PTPRM: variants seen among roughly 807,000 people sequenced by gnomAD.
The protein encoded by PTPRM is receptor-type tyrosine-protein phosphatase mu.
Under a neutral mutation model 186.7 loss-of-function variants are expected in PTPRM, and 47 were observed. The observed-to-expected ratio is 0.25, with a 90% CI of 0.20 to 0.32. The LOEUF (loss-of-function observed/expected upper bound fraction) is 0.32, where lower values mean the gene tolerates loss of function less well. PTPRM is among the 10% of genes least tolerant of loss of function. The pLI is 1.00. For synonymous variants in PTPRM, 668 were observed against 674.9 expected, an observed-to-expected ratio of 0.99 and a Z score of 0.16; for missense variants, 1,494 against 1,865.0, an observed-to-expected ratio of 0.80 and a Z score of 3.66.
At chr18:8,017,265 G>A (rs936398989) in intron 7 of PTPRM, among the ~76,000 whole-genome samples, 8 of 152,144 alleles carry the variant, frequency 5.3e-5, no homozygotes, top group South Asian at 2.1e-4. Context: ...TAGGCCAGGC[G>A]TGGTGGCTCA....
At chr18:8,329,470 C>T (rs2148146052) in intron 22 of PTPRM, among the ~76,000 whole-genome samples, 1 of 152,294 alleles carries the variant, frequency 6.6e-6, no homozygotes, top group South Asian at 2.1e-4. Context: ...GGAAGAAAAA[C>T]TGTGAGGTTA....
intron 19 of PTPRM, among the ~76,000 whole-genome samples, chr18:8,289,078 C>T (rs1458329327): frequency 2.0e-5 from 3 of 152,102 alleles, no homozygotes; most frequent in Non-Finnish European, 4.4e-5. Flanking sequence ...AATGGAGGCG[C>T]ACTAAGTTCA....
Position 8,235,456 on chromosome 18 carries a change from C to CTTTTTTTTTTTTTTTTTTTTTT in PTPRM, c.2301-8600_2301-8579dup, listed in dbSNP as rs58166609. On this transcript the variant is annotated intron_variant, in intron 14 of 32. Transcript: ENST00000580170. Reference sequence around the variant, plus strand: ...TTCTAATATGAGTAATCTGTGTCTTCTTTTTTTTTTTTTTTTTTTTTTTAG... The same window carrying CTTTTTTTTTTTTTTTTTTTTTT: ...TTCTAATATGAGTAATCTGTGTCTTCTTTTTTTTTTTTTTTTTTTTTTTTTTTTTTTTTTTTTTTTTTTTTAG... 2.0e-5 allele frequency among the ~76,000 whole-genome samples: 2 copies of CTTTTTTTTTTTTTTTTTTTTTT among 102,324 alleles called. 1 individual carries two copies. The highest frequency in any genetic ancestry group is 8.0e-5 in the African/African-American group (2 of 25,144). 67.1% of individuals were successfully genotyped at this position (102,324 alleles called of 152,430 possible).
intron 23 of PTPRM, among the ~76,000 whole-genome samples, chr18:8,358,038 C>T (rs1457153932): frequency 2.6e-5 from 4 of 152,084 alleles, no homozygotes; most frequent in Non-Finnish European, 5.9e-5. Context: ...ATGCCAACCC[C>T]AACCTCTGTA....
intron 5 of PTPRM, among the ~76,000 whole-genome samples, chr18:7,935,084 A>T (rs915835588): frequency 1.3e-5 from 2 of 152,328 alleles, no homozygotes; most frequent in African/African-American, 4.8e-5. Flanking sequence ...GTTATTATGT[A>T]TAAAAGCCAC....
At chr18:7,837,629 A>AT (rs1275404511) in intron 2 of PTPRM, among the ~76,000 whole-genome samples, 2 of 151,974 alleles carry the variant, frequency 1.3e-5, no homozygotes, top group African/African-American at 2.4e-5. Flanking sequence ...TAATTTTTGT[A>AT]TTTTTAGTAG....
At chr18:7,725,301 C>T (rs533858006) in intron 1 of PTPRM, among the ~76,000 whole-genome samples, 2 of 152,278 alleles carry the variant, frequency 1.3e-5, no homozygotes, top group East Asian at 3.9e-4. Context: ...AACAGATGAG[C>T]ATTCCCAGTT....
At chr18:8,071,210 C>T (rs187294596) in intron 8 of PTPRM, among the ~76,000 whole-genome samples, 3 of 152,298 alleles carry the variant, frequency 2.0e-5, no homozygotes, top group Admixed American at 6.5e-5. Context: ...AACTCTCTCT[C>T]ATCTCCCAGA....
At chr18:8,099,493 CA>C (rs2091187389) in intron 11 of PTPRM, among the ~76,000 whole-genome samples, 2 of 152,222 alleles carry the variant, frequency 1.3e-5, no homozygotes, top group Admixed American at 6.5e-5. Context: ...TTTACTGAGG[CA>C]AAAACTATGA....
At chr18:8,130,316 A>T (rs114542077) in intron 13 of PTPRM, among the ~76,000 whole-genome samples, 3,354 of 152,262 alleles carry the variant, frequency 0.022, 88 homozygotes, top group African/African-American at 0.063. Flanking sequence ...GCCGTTGTCC[A>T]GCTGCTGTCC....
chr18:7,597,168 A>G (rs188449162), intron 1 of PTPRM, among the ~76,000 whole-genome samples: 3 of 152,242 alleles, frequency 2.0e-5, no homozygotes, highest in East Asian at 3.9e-4. Context: ...CTTTTAATTC[A>G]TAGCGTTTTT....
At chr18:8,234,035 T>TAAGTCTGG (rs1440764148) in intron 14 of PTPRM, among the ~76,000 whole-genome samples, 5 of 152,214 alleles carry the variant, frequency 3.3e-5, no homozygotes, top group Non-Finnish European at 7.3e-5. Flanking sequence ...AGCTTTATAG[T>TAAGTCTGG]AAGTCTGGAA....
chr18:7,640,127 C>T (rs1234771435), intron 1 of PTPRM, among the ~76,000 whole-genome samples: 1 of 152,028 alleles, frequency 6.6e-6, no homozygotes, highest in East Asian at 1.9e-4. Flanking sequence ...AGGGGGAAAT[C>T]ATACTTAAAA....
rs184393789 is a variant in PTPRM at position 8,196,733 on chromosome 18, G to A, written c.2301-47325G>A. On this transcript the variant is annotated intron_variant, in intron 14 of 32. Transcript: ENST00000580170. Reference sequence around the variant, plus strand: ...CTGACGTTTCTAAATTGTGTGTGACGTTGACATGTTCCCATATGTCACGAT... The same window carrying A: ...CTGACGTTTCTAAATTGTGTGTGACATTGACATGTTCCCATATGTCACGAT... Among the ~76,000 whole-genome samples the A allele has an allele frequency of 3.9e-5, 6 of 152,302 alleles. No individual in the cohort carries two copies. The East Asian group carries it at 9.7e-4, about 25-fold the overall frequency.
At chr18:8,384,787 G>C in intron 30 of PTPRM, 101 bp downstream of exon 30, 1 of 1,483,216 alleles carries the variant, frequency 6.7e-7, no homozygotes, top group South Asian at 1.2e-5. Context: ...TGTTCCAGGA[G>C]TTTGGAGTAT....
At chr18:7,623,866 G>A (rs2037997665) in intron 1 of PTPRM, among the ~76,000 whole-genome samples, 1 of 152,164 alleles carries the variant, frequency 6.6e-6, no homozygotes. Flanking sequence ...CAGCCATGGA[G>A]GTGGACACAG....
At chr18:7,614,853 A>G (rs758740224) in intron 1 of PTPRM, among the ~76,000 whole-genome samples, 1 of 148,474 alleles carries the variant, frequency 6.7e-6, no homozygotes, top group Non-Finnish European at 1.5e-5. Flanking sequence ...CAGGGAACCT[A>G]TGAATAAACT....
At chr18:7,795,582 G>A (rs929588475) in intron 2 of PTPRM, among the ~76,000 whole-genome samples, 18 of 152,138 alleles carry the variant, frequency 1.2e-4, no homozygotes, top group Admixed American at 3.9e-4. Flanking sequence ...AGTTTACAGA[G>A]GAGTTGAGGT....
At chr18:7,631,529 C>T (rs1410511158) in intron 1 of PTPRM, among the ~76,000 whole-genome samples, 1 of 151,350 alleles carries the variant, frequency 6.6e-6, no homozygotes, top group Non-Finnish European at 1.5e-5. Context: ...TTAAAGAGTC[C>T]AATTTGGGAG....
Sources: allele counts gnomAD v4.1 joint callset (sites outside exome capture counted in the v4.1 genomes callset), GRCh38; gene constraint gnomAD v4.1.1; transcripts MANE v1.5; gene names NCBI Gene and HGNC (gene_info 2026-07-23, HGNC 2026-07-21).